The following DENND1A variants were observed in gnomAD, a reference collection of about 807,000 sequenced individuals.
The protein encoded by DENND1A is DENN domain containing 1A.
In DENND1A, 51 loss-of-function variants were observed where a neutral mutation model predicts 113.7. That is an observed-to-expected ratio of 0.45 (90% confidence interval 0.36 to 0.57). The LOEUF (loss-of-function observed/expected upper bound fraction) is 0.57, where lower values mean the gene tolerates loss of function less well. Among genes scored for constraint, DENND1A ranks in the 20% least tolerant of loss-of-function variants. DENND1A has a pLI of 0.00. For missense variants in DENND1A, 1,258 were observed against 1,395.9 expected, an observed-to-expected ratio of 0.90 and a Z score of 1.57; for synonymous variants, 565 against 570.8, an observed-to-expected ratio of 0.99 and a Z score of 0.14.
chr9:123,553,727 T>C (rs2057261526), intron 13 of DENND1A, among the ~76,000 whole-genome samples: 1 of 152,174 alleles, frequency 6.6e-6, no homozygotes, highest in South Asian at 2.1e-4. Flanking sequence ...GATAGGATTA[T>C]GGGTGGTGCT....
At chr9:123,873,175 G>T (rs945088287) in intron 2 of DENND1A, among the ~76,000 whole-genome samples, 1 of 152,144 alleles carries the variant, frequency 6.6e-6, no homozygotes, top group Non-Finnish European at 1.5e-5. Flanking sequence ...ACCGACAAAG[G>T]TACCTGAAAT....
chr9:123,448,052 G>A (rs997730025), intron 18 of DENND1A, among the ~76,000 whole-genome samples: 1 of 152,214 alleles, frequency 6.6e-6, no homozygotes, highest in Non-Finnish European at 1.5e-5. Context: ...TCAACAGTCC[G>A]ATGGTGACAA....
intron 13 of DENND1A, among the ~76,000 whole-genome samples, chr9:123,545,440 G>A (rs552299159): frequency 6.6e-6 from 1 of 151,908 alleles, no homozygotes; most frequent in African/African-American, 2.4e-5. Flanking sequence ...CTGTGTGCTG[G>A]GGGCATAGGA....
At chr9:123,595,264 C>A (rs1400549026) in intron 11 of DENND1A, among the ~76,000 whole-genome samples, 5 of 152,170 alleles carry the variant, frequency 3.3e-5, no homozygotes, top group African/African-American at 1.2e-4. Context: ...CACTGACTCT[C>A]ATTAACAAGT....
At chr9:123,879,571 C>T (rs1848027282) in intron 1 of DENND1A, among the ~76,000 whole-genome samples, 1 of 152,034 alleles carries the variant, frequency 6.6e-6, no homozygotes, top group African/African-American at 2.4e-5. Context: ...CACACACACA[C>T]ACAAATTGTC....
At chr9:123,565,750 A>C (rs2058020861) in intron 12 of DENND1A, among the ~76,000 whole-genome samples, 1 of 152,250 alleles carries the variant, frequency 6.6e-6, no homozygotes, top group South Asian at 2.1e-4. Flanking sequence ...AGAAATGGCA[A>C]ACTGTCACTT....
intron 13 of DENND1A, among the ~76,000 whole-genome samples, chr9:123,474,315 C>T (rs925909335): frequency 7.2e-5 from 11 of 152,134 alleles, no homozygotes; most frequent in African/African-American, 2.7e-4. Flanking sequence ...ACTTTCACAG[C>T]ATTATTTTAA....
intron 5 of DENND1A, among the ~76,000 whole-genome samples, chr9:123,680,370 C>T (rs1371407407): frequency 6.6e-6 from 1 of 152,194 alleles, no homozygotes; most frequent in African/African-American, 2.4e-5. Context: ...ACTGCCTTCC[C>T]GATCCGGGGT....
Position 123,444,743 on chromosome 9 carries a change from A to G in DENND1A, c.1357-4252T>C, listed in dbSNP as rs75936770. Among the ~76,000 whole-genome samples the G allele has an allele frequency of 6.0e-3, 914 of 152,360 alleles. 3 individuals are homozygous for G. The highest frequency in any genetic ancestry group is 0.02 in the Middle Eastern group (6 of 294). ...ACATGAAAATGCAGGTTATAAAATG[A>G]GATTATTTTTTGTTCCTCTGATTTG... On this transcript the variant is annotated intron_variant, in intron 18 of 23. Transcript: ENST00000394215.
At position 123,820,126 on chromosome 9, in the gene DENND1A, T is replaced by A. The variant is rs145324533; in HGVS notation, c.89-27496A>T. Among the ~76,000 whole-genome samples, 462 of 152,208 alleles carry A rather than the reference T, an allele frequency of 3.0e-3. 5 individuals are homozygous for A. The highest frequency in any genetic ancestry group is 0.01 in the African/African-American group (432 of 41,530). On this transcript the variant is annotated intron_variant, in intron 2 of 23. Transcript: ENST00000394215. ...CAAAAAGAGGGCAGAAAGAGGCACA[T>A]AGAGGGCTTTAGGCTTAGTAATGTT... is the stretch of plus-strand genomic sequence containing the variant.
chr9:123,859,378 A>G (rs1408581845), intron 2 of DENND1A, among the ~76,000 whole-genome samples: 2 of 151,652 alleles, frequency 1.3e-5, no homozygotes, highest in African/African-American at 4.9e-5. Context: ...TTTGAATGGT[A>G]TTTCTATTTA....
intron 13 of DENND1A, among the ~76,000 whole-genome samples, chr9:123,489,593 A>G (rs2051193645): frequency 6.6e-6 from 1 of 152,244 alleles, no homozygotes; most frequent in African/African-American, 2.4e-5. Context: ...ATAAAAGTCA[A>G]GTTTGGCTCT....
At chr9:123,669,290 G>C (rs1389852755) in intron 7 of DENND1A, among the ~76,000 whole-genome samples, 2 of 152,106 alleles carry the variant, frequency 1.3e-5, no homozygotes, top group Admixed American at 6.6e-5. Context: ...AATATGGAGA[G>C]AGGAATTCCC....
chr9:123,434,442 G>A (rs902148750), intron 19 of DENND1A, among the ~76,000 whole-genome samples: 2 of 152,218 alleles, frequency 1.3e-5, no homozygotes, highest in Non-Finnish European at 2.9e-5. Flanking sequence ...CAACAGAAAT[G>A]AAACCAAATA....
intron 19 of DENND1A, among the ~76,000 whole-genome samples, chr9:123,420,194 G>C (rs1000087301): frequency 6.6e-6 from 1 of 152,242 alleles, no homozygotes; most frequent in Non-Finnish European, 1.5e-5. Context: ...GGGAGGCTGG[G>C]AGGGGCCAGG....
chr9:123,383,969 A>G lies in DENND1A; in HGVS notation c.1761-56T>C, dbSNP rs951786561. On this transcript the variant is annotated intron_variant, in intron 22 of 23. Transcript: ENST00000394215. Reference sequence around the variant, plus strand: ...CACCCAGGCCTTCAGGGGAGGAGCAAGCGGACTCCAGCCCAAGCACATTGA... The same window carrying G: ...CACCCAGGCCTTCAGGGGAGGAGCAGGCGGACTCCAGCCCAAGCACATTGA... The G allele has an allele frequency of 2.6e-6, 4 of 1,565,234 alleles. No homozygotes were observed. The African/African-American group carries it at 5.4e-5, about 21-fold the overall frequency.
intron 1 of DENND1A, among the ~76,000 whole-genome samples, chr9:123,883,330 C>A (rs1378505296): frequency 6.6e-6 from 1 of 152,136 alleles, no homozygotes; most frequent in Non-Finnish European, 1.5e-5. Flanking sequence ...GCCAGTGCCA[C>A]CTAAATACTG....
intron 3 of DENND1A, 81 bp from the exon 4 acceptor site, chr9:123,769,644 CT>C: frequency 8.0e-7 from 1 of 1,244,518 alleles, no homozygotes. Flanking sequence ...AATCTAGCAA[CT>C]TTACCCTAAA....
chr9:123,715,186 AAAT>A (rs532293488), intron 5 of DENND1A, among the ~76,000 whole-genome samples: 6 of 152,032 alleles, frequency 3.9e-5, no homozygotes, highest in African/African-American at 9.6e-5. Flanking sequence ...TCTCCAAAAA[AAAT>A]AATAATAATA....
Sources: allele counts gnomAD v4.1 joint callset (sites outside exome capture counted in the v4.1 genomes callset), GRCh38; gene constraint gnomAD v4.1.1; transcripts MANE v1.5; gene names NCBI Gene and HGNC (gene_info 2026-07-23, HGNC 2026-07-21).